The following TEAD1 variants were observed in gnomAD, a reference collection of about 807,000 sequenced individuals.
TEAD1 encodes the protein transcriptional enhancer factor TEF-1.
Under a neutral mutation model 54.9 loss-of-function variants are expected in TEAD1, and 9 were observed. The ratio of observed to expected loss-of-function variants is 0.16; its 90% CI spans 0.10 to 0.29. TEAD1 has a LOEUF of 0.29. Among genes scored for constraint, TEAD1 ranks in the 10% least tolerant of loss-of-function variants. The pLI is 1.00. For synonymous variants in TEAD1, 200 were observed against 187.8 expected (o/e 1.07, Z -0.53); for missense variants, 387 against 535.9 (o/e 0.72, Z 2.74).
intron 10 of TEAD1, among the ~76,000 whole-genome samples, chr11:12,915,037 T>C (rs141657818): frequency 9.7e-4 from 148 of 152,336 alleles, no homozygotes; most frequent in South Asian, 2.5e-3. Context: ...CAGTGCCTAT[T>C]AGACTGTCTC....
chr11:12,869,919 G>T lies in TEAD1; in HGVS notation c.330+5019G>T, dbSNP rs144212389. Among the ~76,000 whole-genome samples the T allele has an allele frequency of 6.7e-4, 101 of 151,472 alleles. 1 individual carries two copies. Among genetic ancestry groups the T allele is most frequent in the African/African-American group, 2.4e-3 (98 of 41,268 alleles). ...TTTTGAGACAGAGTCTTGCTTTGTC[G>T]CCCGGGCGGGAGTGCAGTGGCGCCA... On this transcript the variant is annotated intron_variant, in intron 5 of 12. Coordinates refer to ENST00000527636, the MANE Select transcript of TEAD1 (RefSeq NM_021961.6).
chr11:12,722,809 G>A (rs2133868107), intron 2 of TEAD1, among the ~76,000 whole-genome samples: 1 of 152,230 alleles, frequency 6.6e-6, no homozygotes, highest in African/African-American at 2.4e-5. Flanking sequence ...CTCTGTATCT[G>A]TAATCATATG....
chr11:12,764,027 G>A (rs1291368969), intron 2 of TEAD1, among the ~76,000 whole-genome samples, 152 bp from the exon 3 acceptor site: 1 of 152,098 alleles, frequency 6.6e-6, no homozygotes, highest in African/African-American at 2.4e-5. Context: ...GAACTTAACC[G>A]TGTAACCCAA....
At chr11:12,688,195 G>C (rs1195251097) in intron 2 of TEAD1, among the ~76,000 whole-genome samples, 2 of 152,162 alleles carry the variant, frequency 1.3e-5, no homozygotes, top group Non-Finnish European at 2.9e-5. Flanking sequence ...AGCTTAGCCT[G>C]TGATAGGTGA....
chr11:12,826,109 CAA>C (rs1946649772), intron 3 of TEAD1, among the ~76,000 whole-genome samples: 1 of 152,178 alleles, frequency 6.6e-6, no homozygotes. Flanking sequence ...TTGAGTTAGG[CAA>C]AGAGTTCTTA....
intron 9 of TEAD1, among the ~76,000 whole-genome samples, chr11:12,900,226 G>C (rs1207797991): frequency 7.4e-6 from 1 of 135,750 alleles, no homozygotes; most frequent in African/African-American, 3.0e-5. Context: ...CACACCTGGT[G>C]ATTTTTTTTT....
At chr11:12,699,404 T>A (rs948298394) in intron 2 of TEAD1, among the ~76,000 whole-genome samples, 3 of 152,232 alleles carry the variant, frequency 2.0e-5, no homozygotes, top group African/African-American at 7.2e-5. Context: ...TTACTGGAGT[T>A]GTATTACATT....
intron 3 of TEAD1, among the ~76,000 whole-genome samples, chr11:12,836,653 G>C (rs963692925): frequency 3.3e-5 from 5 of 152,126 alleles, no homozygotes; most frequent in Non-Finnish European, 2.9e-5. Flanking sequence ...GCTAATTATA[G>C]TCAACTTGCT....
At chr11:12,912,643 AG>A (rs1948637630) in intron 10 of TEAD1, among the ~76,000 whole-genome samples, 1 of 152,216 alleles carries the variant, frequency 6.6e-6, no homozygotes, top group African/African-American at 2.4e-5. Context: ...AAAACGTAGT[AG>A]GAATGAAATC....
intron 2 of TEAD1, among the ~76,000 whole-genome samples, chr11:12,679,220 C>T (rs971391718): frequency 2.0e-5 from 3 of 152,118 alleles, no homozygotes; most frequent in Non-Finnish European, 4.4e-5. Context: ...GGGTGTGTTA[C>T]ATGCACTACA....
chr11:12,675,812 C>T (rs6485992), intron 2 of TEAD1, among the ~76,000 whole-genome samples: 62,442 of 152,098 alleles, frequency 0.41, 13,186 homozygotes, highest in South Asian at 0.56. Context: ...CCTCCCCTCT[C>T]ATGAAAATAA....
intron 2 of TEAD1, among the ~76,000 whole-genome samples, chr11:12,683,763 AG>A (rs1373526139): frequency 1.3e-5 from 2 of 152,176 alleles, no homozygotes; most frequent in Non-Finnish European, 2.9e-5. Flanking sequence ...ATTAATTGAA[AG>A]GAGTAGGAGG....
At chr11:12,760,045 T>A (rs1013150247) in intron 2 of TEAD1, among the ~76,000 whole-genome samples, 1 of 152,210 alleles carries the variant, frequency 6.6e-6, no homozygotes, top group African/African-American at 2.4e-5. Flanking sequence ...CAATTTACAT[T>A]TTCTATGCAG....
At chr11:12,727,718 G>C (rs534986946) in intron 2 of TEAD1, among the ~76,000 whole-genome samples, 2 of 152,288 alleles carry the variant, frequency 1.3e-5, no homozygotes, top group South Asian at 4.1e-4. Flanking sequence ...ATGAATTACA[G>C]AGTGGGAGTG....
At chr11:12,806,738 G>A (rs907732119) in intron 3 of TEAD1, among the ~76,000 whole-genome samples, 2 of 152,292 alleles carry the variant, frequency 1.3e-5, no homozygotes, top group South Asian at 4.1e-4. Context: ...ATTTAACCTC[G>A]TAAATGATCT....
intron 12 of TEAD1, among the ~76,000 whole-genome samples, chr11:12,931,890 C>T (rs1473439765): frequency 6.6e-6 from 1 of 151,202 alleles, no homozygotes; most frequent in Admixed American, 6.6e-5. Context: ...AAAATGAGTC[C>T]CTGGAGATGG....
chr11:12,744,801 A>G (rs1243561732), intron 2 of TEAD1, among the ~76,000 whole-genome samples: 2 of 152,176 alleles, frequency 1.3e-5, no homozygotes, highest in Non-Finnish European at 2.9e-5. Context: ...TCTTGTAAAG[A>G]AAGCTGCTGA....
intron 2 of TEAD1, among the ~76,000 whole-genome samples, chr11:12,698,205 A>T (rs1355743301): frequency 6.6e-6 from 1 of 152,126 alleles, no homozygotes; most frequent in East Asian, 1.9e-4. Context: ...TGTGCAAGTG[A>T]GGAAGCGGGG....
chr11:12,820,573 A>G (rs971732940), intron 3 of TEAD1, among the ~76,000 whole-genome samples: 5 of 152,154 alleles, frequency 3.3e-5, no homozygotes, highest in Admixed American at 6.6e-5. Flanking sequence ...AAGACTTTGG[A>G]GTAGGAACTT....
Sources: allele counts gnomAD v4.1 joint callset (sites outside exome capture counted in the v4.1 genomes callset), GRCh38; gene constraint gnomAD v4.1.1; transcripts MANE v1.5; gene names NCBI Gene and HGNC (gene_info 2026-07-23, HGNC 2026-07-21).